CBLB: variants seen among roughly 807,000 people sequenced by gnomAD.
CBLB encodes the protein E3 ubiquitin-protein ligase CBL-B.
Under a neutral mutation model 104.9 loss-of-function variants are expected in CBLB, and 31 were observed. The ratio of observed to expected loss-of-function variants is 0.30; its 90% CI spans 0.22 to 0.40. The LOEUF (loss-of-function observed/expected upper bound fraction) is 0.40, where lower values mean the gene tolerates loss of function less well. Among genes scored for constraint, CBLB ranks in the 10% least tolerant of loss-of-function variants. CBLB has a pLI of 1.00. For missense variants in CBLB, 1,062 were observed against 1,214.6 expected, an observed-to-expected ratio of 0.87 and a Z score of 1.87; for synonymous variants, 440 against 422.6, an observed-to-expected ratio of 1.04 and a Z score of -0.51.
intron 3 of CBLB, among the ~76,000 whole-genome samples, chr3:105,807,240 T>TA (rs1364784257): frequency 2.6e-5 from 4 of 152,210 alleles, no homozygotes; most frequent in Non-Finnish European, 5.9e-5. Context: ...CTTATTTTCT[T>TA]AAAGATTCTA....
At chr3:105,803,378 G>T (rs936511738) in intron 3 of CBLB, among the ~76,000 whole-genome samples, 1 of 152,174 alleles carries the variant, frequency 6.6e-6, no homozygotes, top group Non-Finnish European at 1.5e-5. Flanking sequence ...ATTCTCCTCC[G>T]TAAGTGCTAT....
At chr3:105,733,288 C>T (rs1429748576) in intron 9 of CBLB, among the ~76,000 whole-genome samples, 5 of 150,256 alleles carry the variant, frequency 3.3e-5, no homozygotes, top group African/African-American at 4.9e-5. Flanking sequence ...ACCCAGGAGG[C>T]GGAGCTTGCT....
chr3:105,849,710 T>G lies in CBLB; in HGVS notation c.419+3704A>C, dbSNP rs1242410188. 2.6e-5 allele frequency among the ~76,000 whole-genome samples: 4 copies of G among 152,028 alleles called. No individual in the cohort carries two copies. In the East Asian group the frequency reaches 7.7e-4, roughly 29 times the overall value. Reference sequence around the variant, plus strand: ...GATTACATCCAATTAAAACACTGTATCCACTCAAATTCCTAGTCAAAGGAG... The same window carrying G: ...GATTACATCCAATTAAAACACTGTAGCCACTCAAATTCCTAGTCAAAGGAG... On this transcript the variant is annotated intron_variant, in intron 3 of 18. Transcript: ENST00000394030.
intron 3 of CBLB, among the ~76,000 whole-genome samples, chr3:105,795,878 G>C (rs1281215342): frequency 6.6e-6 from 1 of 151,922 alleles, no homozygotes; most frequent in Non-Finnish European, 1.5e-5. Context: ...CGAGTAGCTG[G>C]GTCTGCAGGT....
intron 4 of CBLB, among the ~76,000 whole-genome samples, chr3:105,756,715 T>C (rs925921380): frequency 3.3e-5 from 5 of 152,188 alleles, no homozygotes; most frequent in South Asian, 4.1e-4. Flanking sequence ...CAATGTGGCA[T>C]TGGTACAAGC....
At chr3:105,856,649 A>G (rs1449049323) in intron 2 of CBLB, among the ~76,000 whole-genome samples, 1 of 152,164 alleles carries the variant, frequency 6.6e-6, no homozygotes, top group Non-Finnish European at 1.5e-5. Context: ...ATTGAACTCT[A>G]AAGTATCAAG....
At chr3:105,694,743 T>A (rs2068120714) in intron 12 of CBLB, among the ~76,000 whole-genome samples, 1 of 151,846 alleles carries the variant, frequency 6.6e-6, no homozygotes, top group Non-Finnish European at 1.5e-5. Context: ...TAGAGACTGG[T>A]CTTATGCTTT....
chr3:105,806,236 A>T (rs2083475548), intron 3 of CBLB, among the ~76,000 whole-genome samples: 1 of 152,164 alleles, frequency 6.6e-6, no homozygotes, highest in Non-Finnish European at 1.5e-5. Flanking sequence ...TTCTCACTTT[A>T]AGACGTCATT....
chr3:105,805,934 GAAA>G (rs3841101), intron 3 of CBLB, among the ~76,000 whole-genome samples: 13,267 of 145,418 alleles, frequency 0.091, 899 homozygotes, highest in African/African-American at 0.16. Context: ...AAAAGGGAAA[GAAA>G]AAAAAAAAAA....
At chr3:105,854,569 G>C (rs16851673) in intron 2 of CBLB, among the ~76,000 whole-genome samples, 1 of 151,276 alleles carries the variant, frequency 6.6e-6, no homozygotes, top group Non-Finnish European at 1.5e-5. Context: ...AAGATACATG[G>C]CTCTCTTCTA....
intron 4 of CBLB, among the ~76,000 whole-genome samples, chr3:105,759,840 T>A (rs530112684): frequency 3.2e-4 from 49 of 152,152 alleles, no homozygotes; most frequent in African/African-American, 1.2e-3. Flanking sequence ...CCCCACCAAC[T>A]CGGAAGAGGG....
At chr3:105,759,222 G>A (rs1268729482) in intron 4 of CBLB, among the ~76,000 whole-genome samples, 1 of 152,184 alleles carries the variant, frequency 6.6e-6, no homozygotes, top group Non-Finnish European at 1.5e-5. Context: ...GTAGTCTGAT[G>A]TCTGTGTGAG....
chr3:105,862,868 C>T (rs1022199178), intron 2 of CBLB, among the ~76,000 whole-genome samples: 2 of 152,138 alleles, frequency 1.3e-5, no homozygotes, highest in African/African-American at 4.8e-5. Flanking sequence ...CTCCATGCTT[C>T]ATTCTACACC....
At chr3:105,829,907 T>C (rs936732410) in intron 3 of CBLB, among the ~76,000 whole-genome samples, 17 of 152,182 alleles carry the variant, frequency 1.1e-4, no homozygotes, top group East Asian at 3.8e-4. Context: ...TATCTTCAAA[T>C]AGTTTTAATT....
intron 2 of CBLB, among the ~76,000 whole-genome samples, chr3:105,865,823 G>A (rs1342529296): frequency 1.3e-5 from 2 of 152,106 alleles, no homozygotes; most frequent in Non-Finnish European, 2.9e-5. Flanking sequence ...ACCATTTGCT[G>A]TCCACTTACG....
chr3:105,817,695 C>G (rs1439131258), intron 3 of CBLB, among the ~76,000 whole-genome samples: 1 of 152,082 alleles, frequency 6.6e-6, no homozygotes, highest in African/African-American at 2.4e-5. Flanking sequence ...TAAGAAATAA[C>G]TGAAGGCATT....
intron 4 of CBLB, among the ~76,000 whole-genome samples, chr3:105,754,938 T>A (rs575390336): frequency 6.6e-6 from 1 of 152,288 alleles, no homozygotes; most frequent in Admixed American, 6.5e-5. Context: ...ATAATCCTGT[T>A]ATTAGATAAT....
intron 6 of CBLB, among the ~76,000 whole-genome samples, chr3:105,743,510 T>C (rs897726263): frequency 5.9e-5 from 9 of 151,374 alleles, no homozygotes; most frequent in Non-Finnish European, 8.8e-5. Flanking sequence ...TAAAATGAAG[T>C]ATCTTTCATG....
chr3:105,833,173 T>C (rs908945524), intron 3 of CBLB, among the ~76,000 whole-genome samples: 1 of 152,234 alleles, frequency 6.6e-6, no homozygotes, highest in Non-Finnish European at 1.5e-5. Context: ...GAGTAAATAA[T>C]GCTTTTTGTC....
Sources: allele counts gnomAD v4.1 joint callset (sites outside exome capture counted in the v4.1 genomes callset), GRCh38; gene constraint gnomAD v4.1.1; transcripts MANE v1.5; gene names NCBI Gene and HGNC (gene_info 2026-07-23, HGNC 2026-07-21).